Variants in KIAA1755 observed in about 807,000 individuals in gnomAD.
The protein encoded by KIAA1755 is uncharacterized protein KIAA1755.
KIAA1755 carries 68 observed loss-of-function variants against 91.7 expected under a neutral mutation model. That is an observed-to-expected ratio of 0.74 (90% CI 0.61 to 0.91). The LOEUF (loss-of-function observed/expected upper bound fraction) is 0.91. KIAA1755 is among the 40% of genes least tolerant of loss of function. The pLI is 0.00. For missense variants in KIAA1755, 1,535 were observed against 1,494.4 expected, an observed-to-expected ratio of 1.03 and a Z score of -0.45; for synonymous variants, 610 against 604.6, an observed-to-expected ratio of 1.01 and a Z score of -0.13.
rs1235078842 is a variant in KIAA1755 at position 38,255,838 on chromosome 20, C to T, written c.3+4660G>A. 6.6e-5 allele frequency among the ~76,000 whole-genome samples: 10 copies of T among 152,228 alleles called. No homozygotes were observed. The South Asian group carries it at 2.1e-3, about 32-fold the overall frequency. On this transcript the variant is annotated intron_variant, in intron 1 of 13. Transcript: ENST00000279024. ...TCTGTCTGTATCATCTGCATGACCTCGACCCCCTGCCCCTCACTGAGCCTT... is the reference window on the plus strand; with the variant it reads ...TCTGTCTGTATCATCTGCATGACCTTGACCCCCTGCCCCTCACTGAGCCTT...
At chr20:38,228,093 G>T in intron 6 of KIAA1755, 54 bp downstream of exon 6, 1 of 1,332,636 alleles carries the variant, frequency 7.5e-7, no homozygotes, top group Non-Finnish European at 1.0e-6. Flanking sequence ...ATGTCAGGAG[G>T]CCCCTGGTGG....
At chr20:38,219,909 C>G in intron 10 of KIAA1755, 141 bp from the exon 11 acceptor site, 1 of 1,092,662 alleles carries the variant, frequency 9.2e-7, no homozygotes, top group South Asian at 1.5e-5. Context: ...TGTGGGCAGG[C>G]CCTTCACCAA....
At chr20:38,245,452 T>A (rs1434760883) in intron 2 of KIAA1755, among the ~76,000 whole-genome samples, 1 of 152,198 alleles carries the variant, frequency 6.6e-6, no homozygotes, top group Non-Finnish European at 1.5e-5. Flanking sequence ...CTAAAACACT[T>A]TTCTCTCCAC....
intron 2 of KIAA1755, among the ~76,000 whole-genome samples, chr20:38,244,907 T>C (rs1433972762): frequency 6.6e-6 from 1 of 152,162 alleles, no homozygotes; most frequent in Non-Finnish European, 1.5e-5. Flanking sequence ...TTTGTATTTT[T>C]AGTAGAGACG....
chr20:38,237,854 G>A (rs1472113974), intron 4 of KIAA1755, among the ~76,000 whole-genome samples: 1 of 152,028 alleles, frequency 6.6e-6, no homozygotes, highest in Non-Finnish European at 1.5e-5. Context: ...TGGGGAATGA[G>A]GACAAGATCA....
In KIAA1755 at chr20:38,240,756, T is replaced by C. The variant is rs1284576051; in HGVS notation, c.1375A>G (p.Arg459Gly). ...GGGGGCTCAGGGGAGGAGGTGTTTC[T>C]GCTAGGGCAGGGCATGGGCTTGGGA... ...RLPKPMPCPS[R>G]NTSSPEPPTP... The change falls in exon 3 of 14, where the codon AGA (arginine) becomes GGA (glycine). Residue 459 changes from arginine to glycine, a missense_variant. Arg to Gly is a moderately radical substitution (Grantham distance 125). Coordinates refer to ENST00000279024, the MANE Select transcript of KIAA1755 (RefSeq NM_001029864.2). The C allele has an allele frequency of 6.3e-7, 1 of 1,587,162 alleles. No homozygotes were observed. The highest frequency in any genetic ancestry group is 8.6e-7 in the Non-Finnish European group (1 of 1,165,970).
chr20:38,246,579 A>G (rs541225717), intron 1 of KIAA1755, among the ~76,000 whole-genome samples: 24 of 152,204 alleles, frequency 1.6e-4, no homozygotes, highest in Non-Finnish European at 3.2e-4. Context: ...AGCCCAGCCC[A>G]GACCAGACAG....
chr20:38,240,685 G>C lies in KIAA1755; in HGVS notation c.1446C>G (p.Pro482=). The change falls in exon 3 of 14, where the codon CCC becomes CCG. Residue 482 remains proline, a synonymous_variant. Transcript: ENST00000279024. ...KFSFLRGQRQ[P]SVTPEKASLQ... ...GTGAGGCTTTCTCCGGGGTCACAGA[G>C]GGTTGCCTCTGCCCTCTCAAGAATG... The C allele has an allele frequency of 6.4e-7, 1 of 1,556,678 alleles. No homozygotes were observed. Among genetic ancestry groups the C allele is most frequent in the Non-Finnish European group, 8.7e-7 (1 of 1,153,010 alleles).
At chr20:38,220,297 CTTTTTTTT>C (rs35575614) in intron 10 of KIAA1755, among the ~76,000 whole-genome samples, 2 of 134,400 alleles carry the variant, frequency 1.5e-5, no homozygotes, top group African/African-American at 2.8e-5. Flanking sequence ...TGATGTTTCC[CTTTTTTTT>C]TTTTTTTTTT....
chr20:38,239,594 C>CT lies in KIAA1755; in HGVS notation c.1680dup (p.Gly561ArgfsTer3), dbSNP rs766415913. ...AGAGCCCCAATCCTGGGCTCAGGCCCTGGGGGCTCCTCCTCCAGGGTGGGG... is the reference window on the plus strand; with the variant it reads ...AGAGCCCCAATCCTGGGCTCAGGCCCTTGGGGGCTCCTCCTCCAGGGTGGGG... On this transcript the variant is annotated frameshift_variant, in exon 4 of 14. Coordinates refer to ENST00000279024, the MANE Select transcript of KIAA1755 (RefSeq NM_001029864.2). LOFTEE classifies it high-confidence loss of function. The CT allele has an allele frequency of 5.0e-6, 8 of 1,608,554 alleles. No homozygotes were observed. Among genetic ancestry groups the CT allele is most frequent in the African/African-American group, 1.3e-5 (1 of 74,548 alleles).
Position 38,240,857 on chromosome 20 carries a change from A to G in KIAA1755, c.1274T>C (p.Leu425Pro). The change falls in exon 3 of 14, where the codon CTG becomes CCG. Residue 425 changes from leucine (L) to proline (P), a missense_variant. Coordinates refer to ENST00000279024, the MANE Select transcript of KIAA1755 (RefSeq NM_001029864.2). ...PGPRQASSPR[L>P]SPASPAAAAS... ...TGCAGCTGCAGGAGAAGCTGGGGACAGGCGGGGAGAGGAGGCTTGTCTTGG... is the reference window on the plus strand; with the variant it reads ...TGCAGCTGCAGGAGAAGCTGGGGACGGGCGGGGAGAGGAGGCTTGTCTTGG... 1.2e-6 allele frequency: 2 copies of G among 1,614,080 alleles called. No individual in the cohort carries two copies. Among genetic ancestry groups the G allele is most frequent in the South Asian group, 2.2e-5 (2 of 91,078 alleles).
In KIAA1755 at chr20:38,217,489, G is replaced by T. The variant is rs759954765; in HGVS notation, c.2680-15C>A. 6.3e-7 allele frequency: 1 copy of T among 1,575,894 alleles called. No homozygotes were observed. Among genetic ancestry groups the T allele is most frequent in the Admixed American group, 1.8e-5 (1 of 56,808 alleles). On this transcript the variant is annotated splice_polypyrimidine_tract_variant and intron_variant, in intron 12 of 13. Coordinates refer to ENST00000279024, the MANE Select transcript of KIAA1755 (RefSeq NM_001029864.2). ...CGGTACTGGGCCTGAGAGGGGAGAG[G>T]AGGGGGCGCCCACTCAGCACCCACC...
At position 38,217,454 on chromosome 20, in the gene KIAA1755, C is replaced by T. The variant is rs1202322342; in HGVS notation, c.2700G>A (p.Leu900=). 6.2e-7 allele frequency: 1 copy of T among 1,609,578 alleles called. No homozygotes were observed. The highest frequency in any genetic ancestry group is 1.1e-5 in the South Asian group (1 of 90,194). ...LQAAAQYRRG[L]ELSKQAAQLG... ...GCTGAGCGGCCTGCTTGGACAGCTC[C>T]AGGCCTCGGCGGTACTGGGCCTGAG... The change falls in exon 13 of 14, where the codon CTG becomes CTA. Residue 900 remains leucine (L), a synonymous_variant. Coordinates refer to ENST00000279024, the MANE Select transcript of KIAA1755 (RefSeq NM_001029864.2).
chr20:38,224,598 G>T (rs1313081896), intron 8 of KIAA1755, among the ~76,000 whole-genome samples: 1 of 152,172 alleles, frequency 6.6e-6, no homozygotes, highest in Non-Finnish European at 1.5e-5. Context: ...TAATTTGTGG[G>T]GTGCAAACAG....
At chr20:38,216,892 C>T (rs1315163688) in intron 13 of KIAA1755, 3 of 509,772 alleles carry the variant, frequency 5.9e-6, no homozygotes, top group South Asian at 3.1e-5. Context: ...AGGGATCTGT[C>T]GTCATTTCTC....
chr20:38,252,838 A>C (rs1233914473), intron 1 of KIAA1755, among the ~76,000 whole-genome samples: 1 of 152,128 alleles, frequency 6.6e-6, no homozygotes, highest in Non-Finnish European at 1.5e-5. Context: ...TACAGGCCTG[A>C]ACCCCAGGGG....
intron 1 of KIAA1755, among the ~76,000 whole-genome samples, chr20:38,259,117 C>T (rs560449735): frequency 2.0e-5 from 3 of 152,224 alleles, no homozygotes; most frequent in South Asian, 2.1e-4. Context: ...TGGAGATAGC[C>T]GCAGGTCTAA....
intron 5 of KIAA1755, among the ~76,000 whole-genome samples, chr20:38,228,721 G>C (rs1190004190): frequency 2.0e-5 from 3 of 152,174 alleles, no homozygotes; most frequent in African/African-American, 7.2e-5. Flanking sequence ...AATGATATGT[G>C]AGGGAAAGTT....
Position 38,241,932 on chromosome 20 carries a change from G to A in KIAA1755, c.202-3C>T. The A allele has an allele frequency of 6.2e-7, 1 of 1,607,054 alleles. No homozygotes were observed. The highest frequency in any genetic ancestry group is 8.5e-7 in the Non-Finnish European group (1 of 1,175,934). On this transcript the variant is annotated splice_polypyrimidine_tract_variant and splice_region_variant and intron_variant, in intron 2 of 13. Coordinates refer to ENST00000279024, the MANE Select transcript of KIAA1755 (RefSeq NM_001029864.2). ...AAGAGGCAGTGTGAGTAGGGAGCCT[G>A]TGGAGAGAAGGGGATGGCATCAGAG...
Sources: gnomAD v4.1 joint callset for allele counts (sites outside exome capture counted in the v4.1 genomes callset) on GRCh38, gnomAD v4.1.1 for gene constraint, MANE v1.5 for transcripts, NCBI Gene and HGNC (gene_info 2026-07-23, HGNC 2026-07-21) for gene names.